TLL1: variants seen among roughly 807,000 people sequenced by gnomAD.
TLL1 encodes tolloid like 1, also known as tolloid-like protein 1.
In TLL1, 49 loss-of-function variants were observed where a neutral mutation model predicts 128.2. The observed-to-expected ratio is 0.38, with a 90% confidence interval of 0.30 to 0.48. The LOEUF is 0.48. Ranked by LOEUF, TLL1 falls within the 20% of genes least tolerant of loss-of-function variation. TLL1 has a pLI of 0.96. For synonymous variants in TLL1, 454 were observed against 418.8 expected, an observed-to-expected ratio of 1.08 and a Z score of -1.03; for missense variants, 1,123 against 1,242.0, an observed-to-expected ratio of 0.90 and a Z score of 1.44.
intron 19 of TLL1, among the ~76,000 whole-genome samples, chr4:166,095,377 T>G (rs9308120): frequency 4.0e-5 from 6 of 151,600 alleles, no homozygotes; most frequent in Non-Finnish European, 7.4e-5. Context: ...ATTACTCCAG[T>G]CTTAAATAAG....
At chr4:166,081,136 T>C (rs1461857983) in intron 18 of TLL1, among the ~76,000 whole-genome samples, 1 of 152,180 alleles carries the variant, frequency 6.6e-6, no homozygotes, top group Admixed American at 6.5e-5. Context: ...TTCAGTCTCC[T>C]AGTGGTAGAA....
At chr4:165,981,437 T>A (rs1579578406) in intron 1 of TLL1, among the ~76,000 whole-genome samples, 1 of 152,084 alleles carries the variant, frequency 6.6e-6, no homozygotes, top group East Asian at 1.9e-4. Flanking sequence ...TTGATAAGCT[T>A]TGAGTCAAAG....
chr4:165,946,473 G>A (rs1734253727), intron 1 of TLL1, among the ~76,000 whole-genome samples: 1 of 150,880 alleles, frequency 6.6e-6, no homozygotes, highest in African/African-American at 2.4e-5. Flanking sequence ...GCTGGGACTA[G>A]AGGCACATGG....
intron 12 of TLL1, among the ~76,000 whole-genome samples, chr4:166,049,445 C>T (rs969442426): frequency 6.6e-6 from 1 of 152,106 alleles, no homozygotes; most frequent in Non-Finnish European, 1.5e-5. Context: ...CCACTGTTCA[C>T]ATACTGTCAA....
intron 16 of TLL1, among the ~76,000 whole-genome samples, chr4:166,069,593 A>G (rs1020621482): frequency 3.3e-5 from 5 of 151,768 alleles, no homozygotes; most frequent in Non-Finnish European, 1.5e-5. Flanking sequence ...TTTTCAACAT[A>G]TCATTGTCTA....
chr4:166,077,100 A>C (rs17047231), intron 17 of TLL1, among the ~76,000 whole-genome samples: 9,000 of 152,212 alleles, frequency 0.059, 440 homozygotes, highest in African/African-American at 0.13. Context: ...TCCCAGTCTA[A>C]ACAAGGTTGT....
intron 2 of TLL1, among the ~76,000 whole-genome samples, chr4:165,990,692 G>A (rs1241216158): frequency 6.6e-6 from 1 of 151,844 alleles, no homozygotes; most frequent in African/African-American, 2.4e-5. Flanking sequence ...AGTCTAGCAT[G>A]TACTTTGTAA....
chr4:165,901,413 C>T (rs930987793), intron 1 of TLL1, among the ~76,000 whole-genome samples: 4 of 152,130 alleles, frequency 2.6e-5, no homozygotes, highest in Non-Finnish European at 2.9e-5. Context: ...TGGTGACCTT[C>T]GGATGGGGTT....
intron 10 of TLL1, 66 bp from the exon 11 acceptor site, chr4:166,041,961 T>C (rs1245199376): frequency 8.9e-7 from 1 of 1,128,532 alleles, no homozygotes; most frequent in Non-Finnish European, 1.3e-6. Context: ...TTGTGACTAG[T>C]ACAAAAAGAA....
intron 18 of TLL1, among the ~76,000 whole-genome samples, chr4:166,082,708 C>T (rs1051002740): frequency 1.8e-4 from 28 of 151,960 alleles, no homozygotes; most frequent in African/African-American, 6.5e-4. Context: ...GGTGGAGTCT[C>T]GCTCTGTCAC....
At chr4:165,981,854 G>A (rs1355183543) in intron 1 of TLL1, among the ~76,000 whole-genome samples, 2 of 151,972 alleles carry the variant, frequency 1.3e-5, no homozygotes, top group Admixed American at 1.3e-4. Flanking sequence ...ATCTCTGTGT[G>A]CCATTGCAGG....
At chr4:165,906,860 A>G (rs2110863670) in intron 1 of TLL1, among the ~76,000 whole-genome samples, 1 of 138,226 alleles carries the variant, frequency 7.2e-6, no homozygotes, top group East Asian at 2.1e-4. Context: ...TCAGTGTCAT[A>G]TCCAAGGAAC....
chr4:165,903,644 C>T (rs567205286), intron 1 of TLL1, among the ~76,000 whole-genome samples: 7 of 151,600 alleles, frequency 4.6e-5, no homozygotes, highest in African/African-American at 1.7e-4. Context: ...AACTTCTGAC[C>T]TTGTGATCTG....
At chr4:165,924,911 T>C (rs1379076857) in intron 1 of TLL1, among the ~76,000 whole-genome samples, 1 of 152,208 alleles carries the variant, frequency 6.6e-6, no homozygotes, top group Non-Finnish European at 1.5e-5. Flanking sequence ...TCTGCCTGTG[T>C]TCTGTATATG....
At chr4:166,081,770 G>T (rs1307767344) in intron 18 of TLL1, among the ~76,000 whole-genome samples, 6 of 151,356 alleles carry the variant, frequency 4.0e-5, no homozygotes, top group African/African-American at 1.5e-4. Context: ...CTACATCATG[G>T]CTTTTTCTTG....
At chr4:165,913,621 G>A (rs193085718) in intron 1 of TLL1, among the ~76,000 whole-genome samples, 13 of 152,240 alleles carry the variant, frequency 8.5e-5, no homozygotes, top group Admixed American at 8.5e-4. Context: ...TTTAACAGCT[G>A]TCTCTTAATA....
chr4:166,079,272 GA>G, intron 18 of TLL1, among the ~76,000 whole-genome samples: 1 of 152,208 alleles, frequency 6.6e-6, no homozygotes, highest in African/African-American at 2.4e-5. Context: ...AAGAGAGTTG[GA>G]AAAATTGATT....
rs1456163527 is a variant in TLL1 at position 166,042,029 on chromosome 4, A to G, written c.1264A>G (p.Arg422Gly). 1 of 1,604,698 alleles carries G rather than the reference A, an allele frequency of 6.2e-7. No homozygotes were observed. Among genetic ancestry groups the G allele is most frequent in the South Asian group, 1.1e-5 (1 of 90,936 alleles). ...GYWRKSPLLG[R>G]FCGDKLPEVL... is the part of the protein sequence containing the mutation. ...CTTTATTCTTTTATTTCTTTTAGGT[A>G]GATTCTGTGGGGACAAATTGCCTGA... The change falls in exon 11 of 21, where the codon AGA becomes GGA. Residue 422 changes from arginine (R) to glycine (G), a missense_variant and splice_region_variant. Arg to Gly is a moderately radical substitution (Grantham distance 125). Around this residue, in one of 3 missense-constraint regions of TLL1, gnomAD observed 480 missense variants for 542.4 expected, o/e 0.89. Transcript: ENST00000061240.
At chr4:166,032,332 T>C (rs947214774) in intron 9 of TLL1, among the ~76,000 whole-genome samples, 4 of 152,140 alleles carry the variant, frequency 2.6e-5, no homozygotes, top group African/African-American at 9.6e-5. Context: ...TTTTGTTTTG[T>C]ACCAGACCAA....
Sources: gnomAD v4.1 joint callset for allele counts (sites outside exome capture counted in the v4.1 genomes callset) on GRCh38, gnomAD v4.1.1 for gene constraint, gnomAD v4.1.1 regional missense constraint, MANE v1.5 for transcripts, NCBI Gene and HGNC (gene_info 2026-07-23, HGNC 2026-07-21) for gene names.